DAGLA: variants seen among roughly 807,000 people sequenced by gnomAD.
DAGLA encodes the protein diacylglycerol lipase alpha.
Under a neutral mutation model 102.6 loss-of-function variants are expected in DAGLA, and 22 were observed. That is an observed-to-expected ratio of 0.21 (90% CI 0.15 to 0.31). The LOEUF is 0.31. Ranked by LOEUF, DAGLA falls within the 10% of genes least tolerant of loss-of-function variation. The pLI is 1.00. For missense variants in DAGLA, 927 were observed against 1,446.6 expected (o/e 0.64, Z 5.83); for synonymous variants, 578 against 628.9 (o/e 0.92, Z 1.21).
In DAGLA at chr11:61,728,155, T is replaced by C. The variant is rs748158338; in HGVS notation, c.639T>C (p.Asp213=). Residue 213 remains aspartate, a splice_region_variant and synonymous_variant, in exon 7 of 20, where the codon GAT becomes GAC. Coordinates refer to ENST00000257215, the MANE Select transcript of DAGLA (RefSeq NM_006133.3). ...CCTRTKDSQS[D]AYSEIAYLFA... ...TCCTGCCTTCCTGGACCTCGTAGGA[T>C]GCCTACTCAGAAATCGCCTACCTCT... 3 of 1,614,046 alleles carry C rather than the reference T, an allele frequency of 1.9e-6. No homozygotes were observed. Among genetic ancestry groups the C allele is most frequent in the Admixed American group, 1.7e-5 (1 of 60,016 alleles).
rs1469504825 is a variant in DAGLA, at chr11:61,744,500, G to T, written c.*11G>T. On this transcript the variant is annotated 3_prime_UTR_variant, in exon 20 of 20. Transcript: ENST00000257215. Reference sequence around the variant, plus strand: ...ATCTCAGCACGCTAGCACCCCAGTTGCGTGGCCAGCCGGGCCCAGGCAGGA... The same window carrying T: ...ATCTCAGCACGCTAGCACCCCAGTTTCGTGGCCAGCCGGGCCCAGGCAGGA... 2.0e-6 allele frequency: 3 copies of T among 1,531,700 alleles called. No individual in the cohort carries two copies. The highest frequency in any genetic ancestry group is 2.6e-5 in the South Asian group (2 of 78,394). The allele number at this position is 1,531,700 out of a possible 1,614,324, so 94.9% of individuals were successfully genotyped here. A position where few individuals can be genotyped will look rare whatever the true frequency, so the allele number is the denominator to read the frequency against.
chr11:61,696,739 A>G (rs1211250189), intron 1 of DAGLA, among the ~76,000 whole-genome samples: 1 of 152,084 alleles, frequency 6.6e-6, no homozygotes, highest in Non-Finnish European at 1.5e-5. Flanking sequence ...GGGCCATCCC[A>G]GCCTCCTTGG....
rs1260824571 is a variant in DAGLA, at chr11:61,734,277, G to A, written c.975-572G>A. Among the ~76,000 whole-genome samples, 1 of 151,922 alleles carries A rather than the reference G, an allele frequency of 6.6e-6. No individual in the cohort carries two copies. The highest frequency in any genetic ancestry group is 1.5e-5 in the Non-Finnish European group (1 of 67,984). ...TGGCCGTGGGGGTGAGGGCTGAGGA[G>A]CCACAGACAGTTGCAAGCCAGAGGC... On this transcript the variant is annotated intron_variant, in intron 9 of 19. Coordinates refer to ENST00000257215, the MANE Select transcript of DAGLA (RefSeq NM_006133.3). The surrounding 1 kb of genome is among the most constrained non-coding windows in gnomAD (Gnocchi z 4.2).
At position 61,742,625 on chromosome 11, in the gene DAGLA, G is replaced by C. The variant is rs371804444; in HGVS notation, c.2172-907G>C. On this transcript the variant is annotated intron_variant, in intron 19 of 19. Coordinates refer to ENST00000257215, the MANE Select transcript of DAGLA (RefSeq NM_006133.3). ...AGAGGGCTGCGGCCCATGGGAGACA[G>C]GAGGAGACCCGGATGAGGAAGGAAG... Among the ~76,000 whole-genome samples, 23 of 152,342 alleles carry C rather than the reference G, an allele frequency of 1.5e-4. 1 individual carries two copies. Among genetic ancestry groups the C allele is most frequent in the African/African-American group, 5.1e-4 (21 of 41,580 alleles).
chr11:61,710,729 G>A (rs183327096), intron 1 of DAGLA, among the ~76,000 whole-genome samples: 66 of 152,312 alleles, frequency 4.3e-4, no homozygotes, highest in East Asian at 2.3e-3. Flanking sequence ...CTTAGATCGC[G>A]GAGAGTTATT....
intron 1 of DAGLA, among the ~76,000 whole-genome samples, chr11:61,702,112 TA>T (rs2135561352): frequency 6.6e-6 from 1 of 152,246 alleles, no homozygotes; most frequent in South Asian, 2.1e-4. Context: ...AATGGGTTCT[TA>T]CTAGTTTCGA....
At chr11:61,729,521 C>T (rs973117301) in intron 8 of DAGLA, among the ~76,000 whole-genome samples, 1 of 149,542 alleles carries the variant, frequency 6.7e-6, no homozygotes, top group Admixed American at 6.6e-5. Flanking sequence ...CAGGCTGAAA[C>T]CACAGCTGGC....
intron 6 of DAGLA, 123 bp from the exon 7 acceptor site, chr11:61,728,030 G>A (rs2065344197): frequency 8.6e-7 from 1 of 1,169,324 alleles, no homozygotes; most frequent in Middle Eastern, 2.0e-4. Context: ...GGGAGAACCT[G>A]TCCAGGGGAC....
At position 61,723,499 on chromosome 11, in the gene DAGLA, C is replaced by T. The variant is rs764311915; in HGVS notation, c.475C>T (p.Pro159Ser). 6.2e-7 allele frequency: 1 copy of T among 1,614,146 alleles called. No homozygotes were observed. ...VCITVLCVFD[P>S]TGRTFVKLRA... ...CATCACTGTCCTCTGCGTCTTCGACCCCACGGGCCGCACCTTTGTCAAGCT... is the reference window on the plus strand; with the variant it reads ...CATCACTGTCCTCTGCGTCTTCGACTCCACGGGCCGCACCTTTGTCAAGCT... Residue 159 changes from proline (P) to serine (S), a missense_variant, in exon 5 of 20, where the codon CCC becomes TCC. Pro to Ser is a moderately conservative substitution (Grantham distance 74, BLOSUM62 -1). Coordinates refer to ENST00000257215, the MANE Select transcript of DAGLA (RefSeq NM_006133.3).
chr11:61,739,024 G>C (rs2065452010), intron 16 of DAGLA, among the ~76,000 whole-genome samples: 2 of 152,220 alleles, frequency 1.3e-5, no homozygotes. Context: ...TGGGGAGGTG[G>C]AACTGCTCCC....
chr11:61,726,647 A>G (rs1395385065), intron 6 of DAGLA, among the ~76,000 whole-genome samples: 1 of 152,164 alleles, frequency 6.6e-6, no homozygotes, highest in Non-Finnish European at 1.5e-5. Flanking sequence ...GACCTTAGAG[A>G]TCATCTAGTC....
chr11:61,701,938 A>G (rs1390819360), intron 1 of DAGLA, among the ~76,000 whole-genome samples: 5 of 151,996 alleles, frequency 3.3e-5, no homozygotes. Flanking sequence ...CCATGCCCAG[A>G]TAAATTTTTT....
intron 6 of DAGLA, among the ~76,000 whole-genome samples, chr11:61,727,220 T>A (rs998100009): frequency 2.0e-5 from 3 of 152,260 alleles, no homozygotes; most frequent in Non-Finnish European, 2.9e-5. Context: ...ATGCCAGCAT[T>A]TAAAAATCAG....
chr11:61,740,792 C>T (rs1270165652), intron 18 of DAGLA, among the ~76,000 whole-genome samples, 200 bp downstream of exon 18: 1 of 152,178 alleles, frequency 6.6e-6, no homozygotes, highest in African/African-American at 2.4e-5. Flanking sequence ...CACGTTGCCC[C>T]ATGGTGGGGA....
chr11:61,723,210 A>G (rs913557095), intron 4 of DAGLA, among the ~76,000 whole-genome samples: 4 of 152,086 alleles, frequency 2.6e-5, no homozygotes, highest in Admixed American at 2.0e-4. Flanking sequence ...TTGGAAACCC[A>G]CAGAGCTGCC....
At chr11:61,694,574 GC>G (rs1244771742) in intron 1 of DAGLA, among the ~76,000 whole-genome samples, 2 of 152,220 alleles carry the variant, frequency 1.3e-5, no homozygotes, top group Non-Finnish European at 2.9e-5. Flanking sequence ...TCAGGTGTCT[GC>G]CTTTCATCCT....
chr11:61,698,825 A>G (rs1446828710), intron 1 of DAGLA, among the ~76,000 whole-genome samples: 1 of 152,194 alleles, frequency 6.6e-6, no homozygotes, highest in Non-Finnish European at 1.5e-5. Flanking sequence ...TGGAGGGGGC[A>G]CTGATTAGGT....
intron 1 of DAGLA, among the ~76,000 whole-genome samples, chr11:61,696,943 C>T (rs1289634730): frequency 1.6e-5 from 2 of 126,038 alleles, no homozygotes; most frequent in Non-Finnish European, 3.5e-5. Context: ...CCCCAAGATC[C>T]TCACCTTCCT....
At position 61,731,302 on chromosome 11, in the gene DAGLA, C is replaced by A; in HGVS notation, c.850-15C>A. 6.2e-7 allele frequency: 1 copy of A among 1,613,038 alleles called. No homozygotes were observed. ...AAGGGCAGGAGGTGACCGCCCTCTG[C>A]CTCCTCTCTTCTAGCAAGAGATGCT... On this transcript the variant is annotated splice_polypyrimidine_tract_variant and intron_variant, in intron 8 of 19. Coordinates refer to ENST00000257215, the MANE Select transcript of DAGLA (RefSeq NM_006133.3).
Sources: allele counts gnomAD v4.1 joint callset (sites outside exome capture counted in the v4.1 genomes callset), GRCh38; gene constraint gnomAD v4.1.1; non-coding constraint Gnocchi (gnomAD v3.1); transcripts MANE v1.5; gene names NCBI Gene and HGNC (gene_info 2026-07-23, HGNC 2026-07-21).